BHMT: variants seen among roughly 807,000 people sequenced by gnomAD.
The protein encoded by BHMT is betaine--homocysteine S-methyltransferase.
In BHMT, 38 loss-of-function variants were observed where a neutral mutation model predicts 49.5. The observed-to-expected ratio is 0.77, with a 90% CI of 0.59 to 1.01. The LOEUF is 1.01. Ranked by LOEUF, BHMT falls within the 50% of genes least tolerant of loss-of-function variation. The pLI, the probability that BHMT is intolerant of heterozygous loss-of-function variation, is 0.00. For missense variants in BHMT, 426 were observed against 495.7 expected (o/e 0.86, Z 1.34); for synonymous variants, 166 against 176.3 (o/e 0.94, Z 0.46).
At chr5:79,129,919 G>A (rs1756611424) in intron 7 of BHMT, among the ~76,000 whole-genome samples, 1 of 152,136 alleles carries the variant, frequency 6.6e-6, no homozygotes, top group Non-Finnish European at 1.5e-5. Context: ...AGCACTTTGG[G>A]AAGCTGAGGC....
At chr5:79,129,366 G>C (rs533955030) in intron 7 of BHMT, among the ~76,000 whole-genome samples, 1 of 152,198 alleles carries the variant, frequency 6.6e-6, no homozygotes, top group Non-Finnish European at 1.5e-5. Context: ...TGAATTCTGC[G>C]AGAGGAATTA....
intron 5 of BHMT, among the ~76,000 whole-genome samples, chr5:79,124,690 GT>G (rs1359327410): frequency 2.0e-5 from 3 of 152,144 alleles, no homozygotes; most frequent in Non-Finnish European, 4.4e-5. Context: ...CTAAAACATA[GT>G]TTGTTCTCAC....
At chr5:79,120,794 G>A (rs1369729421) in intron 4 of BHMT, among the ~76,000 whole-genome samples, 1 of 152,128 alleles carries the variant, frequency 6.6e-6, no homozygotes, top group African/African-American at 2.4e-5. Flanking sequence ...ATGCTAATGG[G>A]TCACAATTCA....
Position 79,115,868 on chromosome 5 carries a change from T to C in BHMT, c.135T>C (p.Thr45=), listed in dbSNP as rs1580268493. Residue 45 remains threonine, a synonymous_variant, in exon 2 of 8, where the codon ACT becomes ACC. Coordinates refer to ENST00000274353, the MANE Select transcript of BHMT (RefSeq NM_001713.3). ...GCTACGTAAAGGCAGGACCCTGGAC[T>C]CCTGAAGCTGCTGTGGAGCACCCAG... ...KRGYVKAGPW[T]PEAAVEHPEA... is the part of the protein sequence containing the mutation. 2.5e-6 allele frequency: 4 copies of C among 1,613,744 alleles called. No individual in the cohort carries two copies. Among genetic ancestry groups the C allele is most frequent in the Non-Finnish European group, 3.4e-6 (4 of 1,179,820 alleles).
chr5:79,129,551 G>A (rs1203299945), intron 7 of BHMT, among the ~76,000 whole-genome samples: 1 of 152,136 alleles, frequency 6.6e-6, no homozygotes, highest in African/African-American at 2.4e-5. Flanking sequence ...CATCCCAAAG[G>A]CAAAGAGGAG....
At chr5:79,116,081 G>T (rs1756383005) in intron 2 of BHMT, 182 bp downstream of exon 2, 7 of 611,740 alleles carry the variant, frequency 1.1e-5, no homozygotes, top group South Asian at 9.8e-5. Flanking sequence ...AGCTGGACAT[G>T]GTGGTGCACT....
In BHMT at chr5:79,119,372, A is replaced by G. The variant is rs1756432439; in HGVS notation, c.280A>G (p.Ile94Val). 3 of 1,609,898 alleles carry G rather than the reference A, an allele frequency of 1.9e-6. No individual in the cohort carries two copies. The highest frequency in any genetic ancestry group is 1.7e-4 in the Middle Eastern group (1 of 6,054). ...ENRGNYVLEK[I>V]SGQEVNEAAC... ...CAGGGGCAACTATGTCTTAGAGAAG[A>G]TATCTGTGAGTAAAACCAGCCGTGG... is the stretch of plus-strand genomic sequence containing the variant. Residue 94 changes from isoleucine to valine, a missense_variant, in exon 3 of 8, where the codon ATA becomes GTA. Around this residue, in one of 3 missense-constraint regions of BHMT, gnomAD observed 321 missense variants for 355.9 expected, o/e 0.90. Transcript: ENST00000274353.
At chr5:79,115,587 T>G (rs1157160899) in intron 1 of BHMT, among the ~76,000 whole-genome samples, 180 bp from the exon 2 acceptor site, 1 of 152,196 alleles carries the variant, frequency 6.6e-6, no homozygotes, top group African/African-American at 2.4e-5. Context: ...GTTTATTTTA[T>G]GAGCATTCTG....
chr5:79,126,381 AG>A, intron 6 of BHMT, 153 bp downstream of exon 6: 1 of 826,868 alleles, frequency 1.2e-6, no homozygotes, highest in Non-Finnish European at 1.8e-6. Context: ...TGCAGCCAAA[AG>A]CCCCTTCGTA....
chr5:79,124,405 A>G (rs1460951166), intron 5 of BHMT, among the ~76,000 whole-genome samples: 1 of 152,084 alleles, frequency 6.6e-6, no homozygotes, highest in African/African-American at 2.4e-5. Context: ...AAATTTTTTA[A>G]AAAGGTTAAA....
At position 79,116,190 on chromosome 5, in the gene BHMT, C is replaced by T. The variant is rs1430129087; in HGVS notation, c.166+291C>T. On this transcript the variant is annotated intron_variant, in intron 2 of 7. Coordinates refer to ENST00000274353, the MANE Select transcript of BHMT (RefSeq NM_001713.3). ...ATCTGCAGCGCTTTTGTAATTTAGA[C>T]TGAGTGGTAGCTAGAATTGATGGAA... The T allele has an allele frequency of 1.9e-5, 4 of 209,562 alleles. No homozygotes were observed. In the East Asian group the frequency reaches 3.1e-4, roughly 16 times the overall value. The allele number at this position is 209,562 out of a possible 1,614,324, so 13.0% of individuals were successfully genotyped here.
chr5:79,121,146 G>A (rs1394883823), intron 4 of BHMT, 72 bp from the exon 5 acceptor site: 7 of 1,511,514 alleles, frequency 4.6e-6, no homozygotes, highest in South Asian at 3.6e-5. Flanking sequence ...GCAAAACTCC[G>A]TCTCAAAAAA....
chr5:79,115,669 C>A (rs1045116178), intron 1 of BHMT, 98 bp from the exon 2 acceptor site: 8 of 1,330,614 alleles, frequency 6.0e-6, no homozygotes, highest in African/African-American at 4.5e-5. Flanking sequence ...TCTAAAATAA[C>A]CACACATCTC....
At chr5:79,124,357 T>C (rs1756516462) in intron 5 of BHMT, among the ~76,000 whole-genome samples, 1 of 151,962 alleles carries the variant, frequency 6.6e-6, no homozygotes, top group Non-Finnish European at 1.5e-5. Context: ...AAGACCAGCC[T>C]GGGCAACATA....
At chr5:79,123,142 G>A (rs188887845) in intron 5 of BHMT, among the ~76,000 whole-genome samples, 1 of 152,322 alleles carries the variant, frequency 6.6e-6, no homozygotes, top group Admixed American at 6.5e-5. Context: ...GAAGGAGGAA[G>A]TTGTCCACTA....
Position 79,119,319 on chromosome 5 carries a change from T to G in BHMT, c.227T>G (p.Phe76Cys). The change falls in exon 3 of 8, where the codon TTC becomes TGC. Residue 76 changes from phenylalanine (F) to cysteine (C), a missense_variant. Phe to Cys is a radical substitution (Grantham distance 205). Around this residue, in one of 3 missense-constraint regions of BHMT, gnomAD observed 321 missense variants for 355.9 expected, o/e 0.90. Coordinates refer to ENST00000274353, the MANE Select transcript of BHMT (RefSeq NM_001713.3). The stretch of plus-strand genomic sequence containing the variant: ...TCAAACGTCATGCAGACCTTCACCT[T>G]CTATGCGAGTGAAGACAAGCTGGAG... ...AGSNVMQTFT[F>C]YASEDKLENR... The G allele has an allele frequency of 6.2e-7, 1 of 1,614,170 alleles. No homozygotes were observed. The highest frequency in any genetic ancestry group is 8.5e-7 in the Non-Finnish European group (1 of 1,180,030).
chr5:79,119,091 G>A (rs895887570), intron 2 of BHMT, among the ~76,000 whole-genome samples, 168 bp from the exon 3 acceptor site: 4 of 152,154 alleles, frequency 2.6e-5, no homozygotes, highest in Non-Finnish European at 4.4e-5. Flanking sequence ...AGGTTCACAG[G>A]AGTTTCCAAG....
chr5:79,121,921 C>A (rs1314556176), intron 5 of BHMT, among the ~76,000 whole-genome samples: 1 of 150,932 alleles, frequency 6.6e-6, no homozygotes, highest in Non-Finnish European at 1.5e-5. Flanking sequence ...TGTGTTAAAC[C>A]AAATTAAGCA....
At chr5:79,128,745 G>T (rs1463635590) in intron 7 of BHMT, among the ~76,000 whole-genome samples, 1 of 152,032 alleles carries the variant, frequency 6.6e-6, no homozygotes, top group Non-Finnish European at 1.5e-5. Flanking sequence ...AATAAGACAG[G>T]CAAGGTCTTT....
Sources: allele counts gnomAD v4.1 joint callset (sites outside exome capture counted in the v4.1 genomes callset), GRCh38; gene constraint gnomAD v4.1.1; regional missense constraint gnomAD v4.1.1; transcripts MANE v1.5; gene names NCBI Gene and HGNC (gene_info 2026-07-23, HGNC 2026-07-21).